The following AUTS2 variants were observed in gnomAD, a reference collection of about 807,000 sequenced individuals.
The protein encoded by AUTS2 is activator of transcription and developmental regulator AUTS2, also known as autism susceptibility gene 2 protein.
AUTS2 carries 17 observed loss-of-function variants against 112.4 expected under a neutral mutation model. That is an observed-to-expected ratio of 0.15 (90% CI 0.10 to 0.23). The LOEUF (loss-of-function observed/expected upper bound fraction) is 0.23, where lower values mean the gene tolerates loss of function less well. Ranked by LOEUF, AUTS2 falls within the 10% of genes least tolerant of loss-of-function variation. The probability of loss-of-function intolerance (pLI) is 1.00; values close to 1 mark genes in which losing one functional copy is unlikely to be tolerated. For synonymous variants in AUTS2, 751 were observed against 702.7 expected (o/e 1.07, Z -1.09); for missense variants, 1,510 against 1,701.6 (o/e 0.89, Z 1.98).
intron 6 of AUTS2, among the ~76,000 whole-genome samples, chr7:70,759,794 CAG>C (rs1789443736): frequency 1.3e-5 from 2 of 152,130 alleles, no homozygotes; most frequent in South Asian, 4.1e-4. Flanking sequence ...AGGAGGTAAA[CAG>C]AGTCAAGCTA....
At chr7:69,627,719 C>T (rs1425963115) in intron 1 of AUTS2, among the ~76,000 whole-genome samples, 1 of 151,956 alleles carries the variant, frequency 6.6e-6, no homozygotes, top group African/African-American at 2.4e-5. Context: ...GTCACGGTGT[C>T]CTGTGGATTG....
intron 2 of AUTS2, among the ~76,000 whole-genome samples, chr7:69,986,082 C>T (rs1798504157): frequency 1.3e-5 from 2 of 152,138 alleles, no homozygotes; most frequent in African/African-American, 4.8e-5. Flanking sequence ...ATGTCTTACT[C>T]TGTTATTGTT....
chr7:69,785,480 T>A (rs1789327820), intron 1 of AUTS2, among the ~76,000 whole-genome samples: 1 of 152,266 alleles, frequency 6.6e-6, no homozygotes, highest in Admixed American at 6.5e-5. Context: ...GAGTACCTTT[T>A]GGTAATTAAA....
In AUTS2 at chr7:70,763,074, G is replaced by A. The variant is rs772514731; in HGVS notation, c.947G>A (p.Arg316Gln). ...IPQPQTEPQL[R>Q]APSPDPDLVQ... ...CAGCCGCAGACGGAGCCCCAACTCC[G>A]AGCTCCTTCTCCGGACCCTGACTTG... The change falls in exon 7 of 19, where the codon CGA (arginine) becomes CAA (glutamine). Residue 316 changes from arginine to glutamine, a missense_variant. By Grantham distance (43) the Arg-to-Gln change is conservative. Around this residue, in one of 3 missense-constraint regions of AUTS2, gnomAD observed 535 missense variants for 594.3 expected, o/e 0.90. Coordinates refer to ENST00000342771, the MANE Select transcript of AUTS2 (RefSeq NM_015570.4). 71 of 1,613,924 alleles carry A rather than the reference G, an allele frequency of 4.4e-5. No homozygotes were observed. The Admixed American group carries it at 9.5e-4, about 22-fold the overall frequency.
At chr7:70,026,760 A>G (rs142812811) in intron 2 of AUTS2, among the ~76,000 whole-genome samples, 3 of 152,278 alleles carry the variant, frequency 2.0e-5, no homozygotes, top group East Asian at 3.9e-4. Context: ...ATGGGTATAC[A>G]TATGTGCTCC....
chr7:70,195,863 C>G (rs888634384), intron 4 of AUTS2, among the ~76,000 whole-genome samples: 1 of 152,136 alleles, frequency 6.6e-6, no homozygotes, highest in Non-Finnish European at 1.5e-5. Context: ...AACCTTGATT[C>G]GTCTGCCTGT....
intron 5 of AUTS2, among the ~76,000 whole-genome samples, chr7:70,517,932 T>G (rs1186010247): frequency 6.6e-6 from 1 of 152,124 alleles, no homozygotes. Flanking sequence ...AATACATAAA[T>G]GGAAGAATGG....
At chr7:70,305,753 C>T (rs1298462806) in intron 4 of AUTS2, among the ~76,000 whole-genome samples, 1 of 152,164 alleles carries the variant, frequency 6.6e-6, no homozygotes, top group Non-Finnish European at 1.5e-5. Context: ...TGTATGTTGA[C>T]ATAGAGCAAG....
chr7:70,294,613 C>G lies in AUTS2; in HGVS notation c.661-141139C>G, dbSNP rs548558528. On this transcript the variant is annotated intron_variant, in intron 4 of 18. Coordinates refer to ENST00000342771, the MANE Select transcript of AUTS2 (RefSeq NM_015570.4). The stretch of plus-strand genomic sequence containing the variant: ...TTTGCATCCAAAATGCCCTGATGTT[C>G]CTAGCATGATCGTTTTTCCTTTGCT... 1.8e-4 allele frequency among the ~76,000 whole-genome samples: 27 copies of G among 152,324 alleles called. No individual in the cohort carries two copies. The South Asian group carries it at 5.4e-3, about 30-fold the overall frequency.
In AUTS2 at chr7:70,124,133, G is replaced by A. The variant is rs1207774145; in HGVS notation, c.624+5900G>A. ...TATTGAGCTTTTTTTGTATAGGCTT[G>A]TTGGCTGCATATATGTCTTCTTTTG... On this transcript the variant is annotated intron_variant, in intron 3 of 18. Transcript: ENST00000342771. Among the ~76,000 whole-genome samples the A allele has an allele frequency of 7.2e-5, 11 of 152,054 alleles. No individual in the cohort carries two copies. In the East Asian group the frequency reaches 1.9e-3, roughly 27 times the overall value.
intron 1 of AUTS2, among the ~76,000 whole-genome samples, chr7:69,701,368 A>T (rs939274825): frequency 6.6e-6 from 1 of 152,170 alleles, no homozygotes; most frequent in African/African-American, 2.4e-5. Flanking sequence ...TTAACCTACT[A>T]ACTGAAATGC....
At chr7:69,600,636 T>C (rs2129068558) in intron 1 of AUTS2, among the ~76,000 whole-genome samples, 1 of 146,710 alleles carries the variant, frequency 6.8e-6, no homozygotes, top group Admixed American at 7.0e-5. Flanking sequence ...AAGGGTGGAA[T>C]AGCTCTCTGT....
At chr7:70,184,979 T>A (rs941518758) in intron 4 of AUTS2, among the ~76,000 whole-genome samples, 2 of 152,214 alleles carry the variant, frequency 1.3e-5, no homozygotes, top group African/African-American at 2.4e-5. Flanking sequence ...ATATGACTAT[T>A]AGAAGCTTTT....
At position 69,792,109 on chromosome 7, in the gene AUTS2, CCTT is replaced by C. The variant is rs200954834; in HGVS notation, c.310-107174_310-107172del. Among the ~76,000 whole-genome samples the C allele has an allele frequency of 3.8e-4, 58 of 152,138 alleles. No homozygotes were observed. In the East Asian group the frequency reaches 6.6e-3, roughly 17 times the overall value. ...AAGTGGTTTAAAGCTAGTGATACCTCCTTCTCCTTGATTTCTAGGAACTATCAA... is the reference window on the plus strand; with the variant it reads ...AAGTGGTTTAAAGCTAGTGATACCTCCTCCTTGATTTCTAGGAACTATCAA... On this transcript the variant is annotated intron_variant, in intron 1 of 18. Transcript: ENST00000342771.
intron 6 of AUTS2, among the ~76,000 whole-genome samples, chr7:70,752,071 C>T (rs905831194): frequency 1.3e-5 from 2 of 151,808 alleles, no homozygotes; most frequent in African/African-American, 4.8e-5. Flanking sequence ...TGTGTATGTG[C>T]GTAGTACACA....
At chr7:70,176,110 A>G (rs1350198102) in intron 4 of AUTS2, among the ~76,000 whole-genome samples, 4 of 152,204 alleles carry the variant, frequency 2.6e-5, no homozygotes, top group Non-Finnish European at 5.9e-5. Context: ...GAAGAATCCC[A>G]TAGTCTGATG....
chr7:69,824,068 T>C (rs555130827), intron 1 of AUTS2, among the ~76,000 whole-genome samples: 34 of 152,140 alleles, frequency 2.2e-4, no homozygotes, highest in Non-Finnish European at 4.3e-4. Context: ...TATTGTGAGA[T>C]TGAATGATTA....
At chr7:70,120,047 C>G (rs557016531) in intron 3 of AUTS2, 1 of 151,886 alleles carries the variant, frequency 6.6e-6, no homozygotes, top group Admixed American at 6.6e-5. Context: ...ATACTCAAAA[C>G]TTTTTTTTAC....
chr7:70,333,615 T>A (rs961901633), intron 4 of AUTS2, among the ~76,000 whole-genome samples: 26 of 152,276 alleles, frequency 1.7e-4, no homozygotes, highest in Admixed American at 1.4e-3. Flanking sequence ...TACCACAGAA[T>A]ACTATGCAGC....
Sources: allele counts gnomAD v4.1 joint callset (sites outside exome capture counted in the v4.1 genomes callset), GRCh38; gene constraint gnomAD v4.1.1; regional missense constraint gnomAD v4.1.1; transcripts MANE v1.5; gene names NCBI Gene and HGNC (gene_info 2026-07-23, HGNC 2026-07-21).